SGCZ: variants seen among roughly 807,000 people sequenced by gnomAD.
SGCZ encodes zeta-sarcoglycan.
Under a neutral mutation model 41.3 loss-of-function variants are expected in SGCZ, and 40 were observed. The observed-to-expected ratio is 0.97, with a 90% CI of 0.75 to 1.26. The LOEUF (loss-of-function observed/expected upper bound fraction) is 1.26, where lower values mean the gene tolerates loss of function less well. SGCZ is among the 50% of genes most tolerant of loss of function. SGCZ has a pLI of 0.00. For missense variants in SGCZ, 552 were observed against 369.8 expected, an observed-to-expected ratio of 1.49 and a Z score of -4.04; for synonymous variants, 206 against 137.5, an observed-to-expected ratio of 1.50 and a Z score of -3.49.
chr8:14,219,352 T>C (rs1224207507), intron 4 of SGCZ, among the ~76,000 whole-genome samples: 2 of 152,144 alleles, frequency 1.3e-5, no homozygotes, highest in Non-Finnish European at 2.9e-5. Context: ...GTTGATGAGA[T>C]GCAACAAAAA....
intron 1 of SGCZ, among the ~76,000 whole-genome samples, chr8:14,697,533 T>G (rs1809003618): frequency 6.6e-6 from 1 of 152,084 alleles, no homozygotes; most frequent in South Asian, 2.1e-4. Flanking sequence ...GTGTATAAAC[T>G]TGTTCTGCTG....
intron 2 of SGCZ, among the ~76,000 whole-genome samples, chr8:14,531,473 C>A (rs1217106095): frequency 1.3e-5 from 2 of 151,970 alleles, no homozygotes; most frequent in Non-Finnish European, 2.9e-5. Context: ...GAAGAAACCA[C>A]TGGGCACCAC....
chr8:15,178,411 T>A (rs1800063493), intron 1 of SGCZ, among the ~76,000 whole-genome samples: 2 of 152,254 alleles, frequency 1.3e-5, no homozygotes, highest in South Asian at 4.1e-4. Context: ...AATTACCCCA[T>A]GTAGCGAATG....
intron 1 of SGCZ, among the ~76,000 whole-genome samples, chr8:14,982,634 A>G (rs1218088601): frequency 6.6e-6 from 1 of 152,228 alleles, no homozygotes. Context: ...ACTATTGTAA[A>G]TGAACTAAAT....
intron 5 of SGCZ, among the ~76,000 whole-genome samples, chr8:14,138,790 A>C (rs1803279778): frequency 6.6e-6 from 1 of 152,204 alleles, no homozygotes; most frequent in Admixed American, 6.5e-5. Context: ...AATGAGACAG[A>C]AAGTTAACAA....
In SGCZ at chr8:14,818,508, GA is replaced by G. The variant is rs560885331; in HGVS notation, c.40-263583del. ...CCTACAAAAGTTATATCATTGTAAG[GA>G]AACAGCAAACACGAAAAGTCAAGGA... On this transcript the variant is annotated intron_variant, in intron 1 of 7. Coordinates refer to ENST00000382080, the MANE Select transcript of SGCZ (RefSeq NM_139167.4). Among the ~76,000 whole-genome samples the G allele has an allele frequency of 2.4e-3, 372 of 152,192 alleles. 1 individual carries two copies. The highest frequency in any genetic ancestry group is 8.6e-3 in the African/African-American group (356 of 41,510).
At chr8:14,907,034 CTT>C (rs940218559) in intron 1 of SGCZ, among the ~76,000 whole-genome samples, 3 of 152,254 alleles carry the variant, frequency 2.0e-5, no homozygotes, top group African/African-American at 7.2e-5. Flanking sequence ...TACCATAAAA[CTT>C]TTATTTTTGT....
chr8:14,866,298 C>G (rs568965355), intron 1 of SGCZ, among the ~76,000 whole-genome samples: 1 of 151,846 alleles, frequency 6.6e-6, no homozygotes, highest in African/African-American at 2.4e-5. Flanking sequence ...TAAACCTTCT[C>G]TCGGGGCCAA....
At chr8:15,034,060 A>C (rs2130963786) in intron 1 of SGCZ, among the ~76,000 whole-genome samples, 1 of 150,666 alleles carries the variant, frequency 6.6e-6, no homozygotes, top group South Asian at 2.1e-4. Flanking sequence ...ATTAAAAAAC[A>C]AAAAGACACA....
At chr8:14,919,917 TTTTTG>T (rs536615520) in intron 1 of SGCZ, among the ~76,000 whole-genome samples, 4 of 152,120 alleles carry the variant, frequency 2.6e-5, no homozygotes, top group Admixed American at 6.5e-5. Flanking sequence ...GACTCTGTTT[TTTTTG>T]TTTTGTTTTG....
At chr8:14,406,331 T>G (rs978859542) in intron 2 of SGCZ, among the ~76,000 whole-genome samples, 1 of 152,128 alleles carries the variant, frequency 6.6e-6, no homozygotes, top group African/African-American at 2.4e-5. Flanking sequence ...TTATCAAATT[T>G]TCTTGTTCAT....
chr8:14,694,059 G>C lies in SGCZ; in HGVS notation c.40-139133C>G, dbSNP rs376602780. Among the ~76,000 whole-genome samples, 5 of 152,242 alleles carry C rather than the reference G, an allele frequency of 3.3e-5. No homozygotes were observed. The East Asian group carries it at 7.7e-4, about 24-fold the overall frequency. ...GTAAGTTGTCATTTCTTACAAAACAGAGCAAAAATCTACTTATATTAATAT... is the reference window on the plus strand; with the variant it reads ...GTAAGTTGTCATTTCTTACAAAACACAGCAAAAATCTACTTATATTAATAT... On this transcript the variant is annotated intron_variant, in intron 1 of 7. Transcript: ENST00000382080.
At chr8:14,918,069 T>C (rs531980038) in intron 1 of SGCZ, among the ~76,000 whole-genome samples, 1 of 152,296 alleles carries the variant, frequency 6.6e-6, no homozygotes, top group East Asian at 1.9e-4. Flanking sequence ...AAGACTTCTG[T>C]TAAAAATGAT....
At chr8:15,128,360 G>A (rs1248092020) in intron 1 of SGCZ, among the ~76,000 whole-genome samples, 1 of 152,206 alleles carries the variant, frequency 6.6e-6, no homozygotes, top group Non-Finnish European at 1.5e-5. Context: ...TTTTACCTCT[G>A]AGGAATGAAG....
intron 5 of SGCZ, among the ~76,000 whole-genome samples, chr8:14,126,217 T>G (rs916792099): frequency 2.0e-5 from 3 of 152,140 alleles, no homozygotes; most frequent in African/African-American, 7.2e-5. Flanking sequence ...GAGAAAATAT[T>G]TGCAATCTAC....
chr8:14,636,636 C>T (rs1032106234), intron 1 of SGCZ, among the ~76,000 whole-genome samples: 1 of 151,716 alleles, frequency 6.6e-6, no homozygotes, highest in Non-Finnish European at 1.5e-5. Flanking sequence ...GACAACCAAG[C>T]AGGAATGTCT....
intron 2 of SGCZ, among the ~76,000 whole-genome samples, chr8:14,345,774 T>C (rs1176591649): frequency 6.6e-6 from 1 of 152,052 alleles, no homozygotes; most frequent in Non-Finnish European, 1.5e-5. Flanking sequence ...GGAAAGAAAA[T>C]AGCTATTGCA....
intron 1 of SGCZ, among the ~76,000 whole-genome samples, chr8:15,006,166 G>C (rs1245895428): frequency 6.6e-6 from 1 of 152,142 alleles, no homozygotes; most frequent in Non-Finnish European, 1.5e-5. Flanking sequence ...TTTAATGTCT[G>C]TTTAGAAATT....
intron 2 of SGCZ, among the ~76,000 whole-genome samples, chr8:14,466,902 G>T (rs1035266922): frequency 4.0e-5 from 6 of 151,650 alleles, no homozygotes; most frequent in African/African-American, 1.5e-4. Flanking sequence ...GCATCTTGAA[G>T]ACCAGTGTAT....
Sources: gnomAD v4.1 joint callset for allele counts (sites outside exome capture counted in the v4.1 genomes callset) on GRCh38, gnomAD v4.1.1 for gene constraint, MANE v1.5 for transcripts, NCBI Gene and HGNC (gene_info 2026-07-23, HGNC 2026-07-21) for gene names.